Variants in PCDH15 observed in about 807,000 individuals in gnomAD.
The protein encoded by PCDH15 is protocadherin-15.
Under a neutral mutation model 178.5 loss-of-function variants are expected in PCDH15, and 129 were observed. That is an observed-to-expected ratio of 0.72 (90% CI 0.63 to 0.84). The LOEUF (loss-of-function observed/expected upper bound fraction) is 0.84, where lower values mean the gene tolerates loss of function less well. Ranked by LOEUF, PCDH15 falls within the 40% of genes least tolerant of loss-of-function variation. The probability of loss-of-function intolerance (pLI) is 0.00; values close to 1 mark genes in which losing one functional copy is unlikely to be tolerated. For missense variants in PCDH15, 2,230 were observed against 2,099.9 expected (o/e 1.06, Z -1.21); for synonymous variants, 800 against 732.0 (o/e 1.09, Z -1.50).
intron 2 of PCDH15, among the ~76,000 whole-genome samples, chr10:54,977,453 T>A (rs887190889): frequency 2.6e-5 from 4 of 152,078 alleles, no homozygotes; most frequent in African/African-American, 9.7e-5. Flanking sequence ...CTCCTATCAG[T>A]GCCATGAAAG....
chr10:55,305,636 C>A (rs533577543), intron 1 of PCDH15, among the ~76,000 whole-genome samples: 2 of 152,308 alleles, frequency 1.3e-5, no homozygotes, highest in Admixed American at 1.3e-4. Flanking sequence ...ATAGGCACTG[C>A]AAAACTATTC....
At chr10:54,140,234 T>G (rs1456261491) in intron 14 of PCDH15, among the ~76,000 whole-genome samples, 1 of 152,212 alleles carries the variant, frequency 6.6e-6, no homozygotes, top group Non-Finnish European at 1.5e-5. Flanking sequence ...AAGCTGGATG[T>G]AACATGGAGC....
intron 15 of PCDH15, among the ~76,000 whole-genome samples, chr10:54,123,586 G>A (rs921745013): frequency 6.6e-6 from 1 of 152,056 alleles, no homozygotes; most frequent in African/African-American, 2.4e-5. Flanking sequence ...ATGTAGATTA[G>A]TTCAGCCACA....
At chr10:54,336,735 G>A (rs1158856271) in intron 6 of PCDH15, among the ~76,000 whole-genome samples, 1 of 152,234 alleles carries the variant, frequency 6.6e-6, no homozygotes, top group Non-Finnish European at 1.5e-5. Context: ...GCATGGAAAG[G>A]AAGTGTGGGG....
intron 1 of PCDH15, among the ~76,000 whole-genome samples, chr10:54,783,128 C>A (rs1396787095): frequency 1.3e-5 from 2 of 151,782 alleles, no homozygotes; most frequent in Non-Finnish European, 2.9e-5. Context: ...AGTAAGAGAA[C>A]CCATCTCTAA....
intron 8 of PCDH15, among the ~76,000 whole-genome samples, chr10:54,253,665 T>C (rs1327413753): frequency 1.3e-5 from 2 of 152,114 alleles, no homozygotes; most frequent in African/African-American, 4.8e-5. Flanking sequence ...TTTCTTTTTA[T>C]AAATGCAATG....
rs1167485824 is a variant in PCDH15, at chr10:54,219,103, A to C, written c.986-5055T>G. ...CCTGTCTCTACTAAAAAAAAAAAAAAAAAACAAAAAAAAAACAAAAAATTA... is the reference window on the plus strand; with the variant it reads ...CCTGTCTCTACTAAAAAAAAAAAAACAAAACAAAAAAAAAACAAAAAATTA... On this transcript the variant is annotated intron_variant, in intron 9 of 37. Coordinates refer to ENST00000644397, the MANE Select transcript of PCDH15 (RefSeq NM_001384140.1). Among the ~76,000 whole-genome samples, 19 of 143,242 alleles carry C rather than the reference A, an allele frequency of 1.3e-4. 1 individual carries two copies. Among genetic ancestry groups the C allele is most frequent in the East Asian group, 4.1e-4 (2 of 4,918 alleles). The allele number at this position is 143,242 out of a possible 152,430, so 94.0% of individuals were successfully genotyped here.
At chr10:54,859,549 T>C (rs1441870837) in intron 3 of PCDH15, among the ~76,000 whole-genome samples, 1 of 152,022 alleles carries the variant, frequency 6.6e-6, no homozygotes, top group Non-Finnish European at 1.5e-5. Flanking sequence ...TACTGCTTTA[T>C]AGCTCATCTC....
intron 10 of PCDH15, among the ~76,000 whole-genome samples, chr10:54,206,212 A>G (rs1299053204): frequency 6.6e-6 from 1 of 152,146 alleles, no homozygotes. Context: ...TGCTTAGAGC[A>G]TGAGATACAA....
At chr10:54,283,848 CTTAT>C (rs1474019860) in intron 8 of PCDH15, among the ~76,000 whole-genome samples, 6 of 152,132 alleles carry the variant, frequency 3.9e-5, no homozygotes, top group South Asian at 2.1e-4. Flanking sequence ...ATTTTATTTA[CTTAT>C]TTATTTATTT....
At chr10:54,696,429 G>A (rs2095225326) in intron 1 of PCDH15, among the ~76,000 whole-genome samples, 1 of 152,124 alleles carries the variant, frequency 6.6e-6, no homozygotes, top group African/African-American at 2.4e-5. Flanking sequence ...TCCTGGTGAA[G>A]ATGCCATGAA....
At chr10:55,408,407 A>G (rs2132032525) in intron 2 of PCDH15, among the ~76,000 whole-genome samples, 1 of 152,000 alleles carries the variant, frequency 6.6e-6, no homozygotes, top group East Asian at 1.9e-4. Flanking sequence ...GCTGGTCTTG[A>G]ACTCCTGACC....
chr10:55,282,731 A>G (rs1408515771), intron 1 of PCDH15, among the ~76,000 whole-genome samples: 3 of 152,226 alleles, frequency 2.0e-5, no homozygotes, highest in Non-Finnish European at 4.4e-5. Flanking sequence ...CATATGACAG[A>G]CAACTTGCCC....
At chr10:54,579,249 C>G (rs1006078966) in intron 2 of PCDH15, among the ~76,000 whole-genome samples, 1 of 152,018 alleles carries the variant, frequency 6.6e-6, no homozygotes, top group African/African-American at 2.4e-5. Context: ...CTTCAAGAGA[C>G]AGAACTCCCA....
chr10:54,550,756 T>C (rs896175491), intron 2 of PCDH15, among the ~76,000 whole-genome samples: 9 of 152,218 alleles, frequency 5.9e-5, no homozygotes, highest in African/African-American at 2.2e-4. Flanking sequence ...AAAGTATTGC[T>C]ATTATAATCT....
chr10:54,896,554 C>G (rs1954548702), intron 3 of PCDH15, among the ~76,000 whole-genome samples: 1 of 151,560 alleles, frequency 6.6e-6, no homozygotes, highest in Admixed American at 6.6e-5. Flanking sequence ...TAGATTTTTA[C>G]TTGTAATATG....
At chr10:55,560,336 G>T (rs2132097992) in intron 2 of PCDH15, among the ~76,000 whole-genome samples, 1 of 151,956 alleles carries the variant, frequency 6.6e-6, no homozygotes, top group African/African-American at 2.4e-5. Flanking sequence ...CCAACATTGT[G>T]AATGGACTTA....
chr10:54,080,538 C>T (rs1316581580), intron 16 of PCDH15, among the ~76,000 whole-genome samples: 3 of 151,990 alleles, frequency 2.0e-5, no homozygotes, highest in Admixed American at 6.6e-5. Flanking sequence ...GGATAAAATG[C>T]TTTCATTTTA....
At chr10:54,274,149 T>C (rs2058209857) in intron 8 of PCDH15, among the ~76,000 whole-genome samples, 1 of 150,808 alleles carries the variant, frequency 6.6e-6, no homozygotes, top group Non-Finnish European at 1.5e-5. Context: ...GGGTGGAGAG[T>C]TGGAGGAGGG....
Sources: allele counts gnomAD v4.1 joint callset (sites outside exome capture counted in the v4.1 genomes callset), GRCh38; gene constraint gnomAD v4.1.1; transcripts MANE v1.5; gene names NCBI Gene and HGNC (gene_info 2026-07-23, HGNC 2026-07-21).